The following TPP2 variants were observed in gnomAD, a reference collection of about 807,000 sequenced individuals.
TPP2 encodes tripeptidyl-peptidase 2.
Under a neutral mutation model 155.9 loss-of-function variants are expected in TPP2, and 34 were observed. That is an observed-to-expected ratio of 0.22 (90% confidence interval 0.17 to 0.29). The LOEUF is 0.29. TPP2 is among the 10% of genes least tolerant of loss of function. The pLI is 1.00. For synonymous variants in TPP2, 510 were observed against 529.4 expected (o/e 0.96, Z 0.50); for missense variants, 1,028 against 1,522.3 (o/e 0.68, Z 5.40).
At chr13:102,607,115 C>T (rs1656582590) in intron 2 of TPP2, among the ~76,000 whole-genome samples, 1 of 152,188 alleles carries the variant, frequency 6.6e-6, no homozygotes, top group Non-Finnish European at 1.5e-5. Flanking sequence ...CACCTATGCT[C>T]AACCATGCTG....
At chr13:102,662,996 A>G (rs1185975742) in intron 25 of TPP2, among the ~76,000 whole-genome samples, 2 of 152,016 alleles carry the variant, frequency 1.3e-5, no homozygotes, top group African/African-American at 2.4e-5. Flanking sequence ...CTTTCTAGCT[A>G]TTTGTGAATA....
chr13:102,616,585 A>G lies in TPP2; in HGVS notation c.495+85A>G, dbSNP rs1278353538. ...TACAGAACTAATAGACTGTTTTTCC[A>G]CAAGTTTTCTTTTTTCACAAATTTT... On this transcript the variant is annotated intron_variant, in intron 4 of 29. Transcript: ENST00000376052. 3 of 1,134,858 alleles carry G rather than the reference A, an allele frequency of 2.6e-6. No homozygotes were observed. In the East Asian group the frequency reaches 8.4e-5, roughly 32 times the overall value. The allele number at this position is 1,134,858 out of a possible 1,614,324, so 70.3% of individuals were successfully genotyped here.
At chr13:102,636,414 A>AGCT (rs775158143) in intron 13 of TPP2, 22 bp downstream of exon 13, 1 of 1,598,332 alleles carries the variant, frequency 6.3e-7, no homozygotes, top group African/African-American at 1.3e-5. Context: ...GCTGGCAGTA[A>AGCT]GCTGACGTAT....
intron 16 of TPP2, among the ~76,000 whole-genome samples, chr13:102,640,731 A>G (rs1480769691): frequency 7.3e-6 from 1 of 137,382 alleles, no homozygotes; most frequent in Non-Finnish European, 1.5e-5. Flanking sequence ...GCTCACTGCA[A>G]CCTCCACCTC....
chr13:102,671,713 G>A (rs186339128), intron 27 of TPP2, among the ~76,000 whole-genome samples: 108 of 152,156 alleles, frequency 7.1e-4, no homozygotes, highest in Non-Finnish European at 1.4e-3. Flanking sequence ...CATATTCCTT[G>A]TCTTTTCTCC....
chr13:102,643,171 A>C, intron 16 of TPP2, 51 bp from the exon 17 acceptor site: 1 of 1,497,962 alleles, frequency 6.7e-7, no homozygotes, highest in Non-Finnish European at 8.9e-7. Flanking sequence ...ACTTTATGTC[A>C]ATTTTAGGTC....
At chr13:102,677,867 A>G (rs1223349866) in intron 29 of TPP2, among the ~76,000 whole-genome samples, 1 of 152,178 alleles carries the variant, frequency 6.6e-6, no homozygotes, top group Non-Finnish European at 1.5e-5. Context: ...CTGTTTTCCC[A>G]GTGTTTGACA....
chr13:102,642,321 G>A (rs1356991521), intron 16 of TPP2, among the ~76,000 whole-genome samples: 1 of 151,952 alleles, frequency 6.6e-6, no homozygotes, highest in Non-Finnish European at 1.5e-5. Context: ...AATGTGCACT[G>A]GTAAATTAAA....
intron 20 of TPP2, 25 bp downstream of exon 20, chr13:102,646,415 A>C (rs986100775): frequency 6.4e-7 from 1 of 1,571,170 alleles, no homozygotes; most frequent in African/African-American, 1.4e-5. Context: ...AGTAAAGTGT[A>C]CCCTTAGGAT....
rs1281084175 is a variant in TPP2 at position 102,604,936 on chromosome 13, CTTCT to C, written c.294+18_294+21del. On this transcript the variant is annotated intron_variant, in intron 2 of 29. Transcript: ENST00000376052. Reference sequence around the variant, plus strand: ...GAGTGCTTAAGGTGAGACCTTTTGTCTTCTTTTTGAATTTTTTTTTTTTTACTCT... The same window carrying C: ...GAGTGCTTAAGGTGAGACCTTTTGTCTTTTGAATTTTTTTTTTTTTACTCT... 8 of 1,594,898 alleles carry C rather than the reference CTTCT, an allele frequency of 5.0e-6. No homozygotes were observed. The Admixed American group carries it at 1.5e-4, about 29-fold the overall frequency.
Position 102,679,477 on chromosome 13 carries a change from A to AT in TPP2, c.*1168dup, listed in dbSNP as rs1354344523. ...TAATGGCAAATTGTGTGTATGTATG[A>AT]TTTTTTTATCTTGTTCTCTTAAGAT... On this transcript the variant is annotated 3_prime_UTR_variant, in exon 30 of 30. Transcript: ENST00000376052. The AT allele has an allele frequency of 3.3e-5, 5 of 152,162 alleles. No individual in the cohort carries two copies. The highest frequency in any genetic ancestry group is 5.9e-5 in the Non-Finnish European group (4 of 68,020). 9.4% of individuals were successfully genotyped at this position (152,162 alleles called of 1,614,324 possible). A position where few individuals can be genotyped will look rare whatever the true frequency, so the allele number is the denominator to read the frequency against.
chr13:102,612,362 T>G (rs976065109), intron 2 of TPP2, among the ~76,000 whole-genome samples: 1 of 152,180 alleles, frequency 6.6e-6, no homozygotes, highest in Non-Finnish European at 1.5e-5. Context: ...ATCCTCTCTT[T>G]AAGAGAGTCA....
intron 2 of TPP2, among the ~76,000 whole-genome samples, chr13:102,606,588 T>C (rs975579294): frequency 6.6e-6 from 1 of 152,232 alleles, no homozygotes; most frequent in Non-Finnish European, 1.5e-5. Context: ...CCCCAGTCTT[T>C]CTTTTAAAGA....
At chr13:102,597,527 G>A (rs995609700) in intron 1 of TPP2, among the ~76,000 whole-genome samples, 33 of 152,210 alleles carry the variant, frequency 2.2e-4, no homozygotes, top group African/African-American at 7.5e-4. Context: ...TTGGCCCCAG[G>A]GACTCCCCTT....
intron 27 of TPP2, among the ~76,000 whole-genome samples, chr13:102,668,521 G>A (rs1252065960): frequency 6.6e-6 from 1 of 152,140 alleles, no homozygotes; most frequent in African/African-American, 2.4e-5. Flanking sequence ...TTCCAATCAA[G>A]GAGTGACATG....
At chr13:102,675,321 T>C (rs1189685628) in intron 28 of TPP2, among the ~76,000 whole-genome samples, 1 of 152,206 alleles carries the variant, frequency 6.6e-6, no homozygotes, top group Non-Finnish European at 1.5e-5. Context: ...AAGGAGCCAG[T>C]ATTGCAGCAG....
chr13:102,664,665 G>T, intron 26 of TPP2, 130 bp from the exon 27 acceptor site: 1 of 899,766 alleles, frequency 1.1e-6, no homozygotes, highest in Non-Finnish European at 1.6e-6. Context: ...GGAGCCCCTG[G>T]GCTACAAGTC....
chr13:102,604,501 G>A (rs541685630), intron 1 of TPP2, among the ~76,000 whole-genome samples: 49 of 152,180 alleles, frequency 3.2e-4, no homozygotes, highest in Non-Finnish European at 6.2e-4. Flanking sequence ...GGATTTTTGC[G>A]TATGGATCAC....
intron 5 of TPP2, 103 bp from the exon 6 acceptor site, chr13:102,622,774 G>A (rs1313455928): frequency 8.1e-7 from 1 of 1,233,110 alleles, no homozygotes; most frequent in Non-Finnish European, 1.1e-6. Flanking sequence ...ATTTGTTGTG[G>A]TAGAGGTAGT....
Sources: gnomAD v4.1 joint callset for allele counts (sites outside exome capture counted in the v4.1 genomes callset) on GRCh38, gnomAD v4.1.1 for gene constraint, MANE v1.5 for transcripts, NCBI Gene and HGNC (gene_info 2026-07-23, HGNC 2026-07-21) for gene names.